Variants in SESN1 observed in about 807,000 individuals in gnomAD.
SESN1 encodes sestrin-1.
Under a neutral mutation model 59.3 loss-of-function variants are expected in SESN1, and 30 were observed. That is an observed-to-expected ratio of 0.51 (90% CI 0.38 to 0.69). The LOEUF (loss-of-function observed/expected upper bound fraction) is 0.69, where lower values mean the gene tolerates loss of function less well. SESN1 is among the 30% of genes least tolerant of loss of function. The pLI is 0.00. For synonymous variants in SESN1, 197 were observed against 219.9 expected (o/e 0.90, Z 0.92); for missense variants, 566 against 673.0 (o/e 0.84, Z 1.76).
chr6:108,990,895 T>C, intron 7 of SESN1, 60 bp from the exon 8 acceptor site: 2 of 1,386,046 alleles, frequency 1.4e-6, no homozygotes, highest in Non-Finnish European at 2.0e-6. Flanking sequence ...TCTATATCTA[T>C]AGCTCTGTAG....
intron 2 of SESN1, 52 bp downstream of exon 2, chr6:109,002,226 A>G: frequency 6.6e-7 from 1 of 1,510,552 alleles, no homozygotes. Context: ...GGGTCATGAA[A>G]GCTCTTCCTT....
In SESN1 at chr6:108,987,638, T is replaced by C. The variant is rs750030309; in HGVS notation, c.1570-8A>G. The C allele has an allele frequency of 8.1e-6, 12 of 1,473,118 alleles. No individual in the cohort carries two copies. Among genetic ancestry groups the C allele is most frequent in the Non-Finnish European group, 1.1e-5 (12 of 1,054,732 alleles). The allele number at this position is 1,473,118 out of a possible 1,614,324, so 91.3% of individuals were successfully genotyped here. ...AAGCAGATTAACATGAACCTGAATA[T>C]AAAATACAACATCATATAAGGAAGG... On this transcript the variant is annotated splice_region_variant and splice_polypyrimidine_tract_variant and intron_variant, in intron 9 of 9. Coordinates refer to ENST00000436639, the MANE Select transcript of SESN1 (RefSeq NM_014454.3).
intron 1 of SESN1, among the ~76,000 whole-genome samples, chr6:109,084,015 C>G (rs1781167753): frequency 6.6e-6 from 1 of 152,102 alleles, no homozygotes; most frequent in Admixed American, 6.6e-5. Context: ...GGTAAAGATT[C>G]TAATTACACT....
In SESN1 at chr6:108,992,831, C is replaced by G. The variant is rs201225098; in HGVS notation, c.1189G>C (p.Asp397His). ...ACATGCATCCCATGTCTAGAGAAAT[C>G]TTTATAGCCATAACTAGTATCCTCA... ...HFEDTSYGYKDFSRHGMHVPT... is the reference protein window; with the variant it reads ...HFEDTSYGYKHFSRHGMHVPT... The change falls in exon 7 of 10, where the codon GAT (aspartate) becomes CAT (histidine). Residue 397 changes from aspartate to histidine, a missense_variant. By Grantham distance (81) the Asp-to-His change is moderately conservative. Coordinates refer to ENST00000436639, the MANE Select transcript of SESN1 (RefSeq NM_014454.3). 15 of 1,613,608 alleles carry G rather than the reference C, an allele frequency of 9.3e-6. No homozygotes were observed. Among genetic ancestry groups the G allele is most frequent in the African/African-American group, 5.3e-5 (4 of 74,884 alleles).
At chr6:109,066,521 T>C (rs1411176216) in intron 1 of SESN1, among the ~76,000 whole-genome samples, 2 of 152,168 alleles carry the variant, frequency 1.3e-5, no homozygotes, top group East Asian at 3.8e-4. Flanking sequence ...CCAATTCAAG[T>C]AACCAAGATC....
chr6:109,001,234 T>TA, intron 3 of SESN1, 54 bp downstream of exon 3: 1 of 1,460,030 alleles, frequency 6.8e-7, no homozygotes, highest in Non-Finnish European at 9.5e-7. Context: ...AACTGTCTCT[T>TA]AAAGAGATTA....
At chr6:109,027,946 TA>T in intron 1 of SESN1, among the ~76,000 whole-genome samples, 1 of 152,252 alleles carries the variant, frequency 6.6e-6, no homozygotes, top group Non-Finnish European at 1.5e-5. Flanking sequence ...CTGTGTTCTT[TA>T]TATTATTTTG....
chr6:109,018,571 G>A (rs192322815), intron 1 of SESN1, among the ~76,000 whole-genome samples: 1,393 of 123,940 alleles, frequency 0.011, 14 homozygotes, highest in Non-Finnish European at 0.017. Flanking sequence ...AATGTTGAAG[G>A]AACAGATTGC....
chr6:108,999,518 G>T (rs1444429263), intron 4 of SESN1, among the ~76,000 whole-genome samples: 1 of 152,082 alleles, frequency 6.6e-6, no homozygotes, highest in Non-Finnish European at 1.5e-5. Context: ...TTAATAAATA[G>T]AACCAGAACT....
intron 1 of SESN1, among the ~76,000 whole-genome samples, chr6:109,055,242 C>G (rs1780609908): frequency 6.6e-6 from 1 of 152,298 alleles, no homozygotes; most frequent in Non-Finnish European, 1.5e-5. Context: ...TTGCATCTAA[C>G]TCCCTTCACT....
At chr6:109,004,505 C>T (rs1440316060) in intron 1 of SESN1, among the ~76,000 whole-genome samples, 2 of 150,964 alleles carry the variant, frequency 1.3e-5, no homozygotes, top group East Asian at 1.9e-4. Flanking sequence ...GGCATGATCT[C>T]GGCTCACTGC....
intron 1 of SESN1, among the ~76,000 whole-genome samples, chr6:109,007,077 C>T (rs1009737764): frequency 4.6e-5 from 7 of 152,196 alleles, no homozygotes; most frequent in Admixed American, 4.6e-4. Flanking sequence ...ATCTTTTCCC[C>T]TCAACAACCT....
chr6:108,993,799 G>A (rs567718271), intron 6 of SESN1, among the ~76,000 whole-genome samples: 2 of 151,992 alleles, frequency 1.3e-5, no homozygotes, highest in South Asian at 4.2e-4. Context: ...AACTAGTCTG[G>A]AATGCCTGGC....
intron 1 of SESN1, among the ~76,000 whole-genome samples, chr6:109,034,741 TCTTCGTCTGTCTGA>T (rs1780227724): frequency 6.6e-6 from 1 of 152,188 alleles, no homozygotes; most frequent in Admixed American, 6.5e-5. Flanking sequence ...CCCAGTAAAT[TCTTCGTCTGTCTGA>T]AATGTGGATG....
chr6:109,071,617 T>A (rs1780936034), intron 1 of SESN1, among the ~76,000 whole-genome samples: 1 of 152,150 alleles, frequency 6.6e-6, no homozygotes, highest in African/African-American at 2.4e-5. Flanking sequence ...TGTGTTTTCA[T>A]ATTCTGGAAG....
chr6:109,009,595 C>A (rs1363717972), intron 1 of SESN1: 2 of 1,049,528 alleles, frequency 1.9e-6, no homozygotes, highest in Non-Finnish European at 2.3e-6. Flanking sequence ...CCGCGCGGCC[C>A]CGCCCCGCGC....
chr6:108,992,763 T>C lies in SESN1; in HGVS notation c.1233+24A>G, dbSNP rs775699575. Reference sequence around the variant, plus strand: ...AGACTGAGATATTTCTAGTCAATCATGTGCATACAAGTTGCAATTTTACCT... The same window carrying C: ...AGACTGAGATATTTCTAGTCAATCACGTGCATACAAGTTGCAATTTTACCT... On this transcript the variant is annotated intron_variant, in intron 7 of 9. Coordinates refer to ENST00000436639, the MANE Select transcript of SESN1 (RefSeq NM_014454.3). The C allele has an allele frequency of 8.2e-5, 111 of 1,360,534 alleles. No homozygotes were observed. The South Asian group carries it at 1.2e-3, about 15-fold the overall frequency. 84.3% of individuals were successfully genotyped at this position (1,360,534 alleles called of 1,614,324 possible). A position where few individuals can be genotyped will look rare whatever the true frequency, so the allele number is the denominator to read the frequency against.
At chr6:109,079,221 T>C (rs1781080183) in intron 1 of SESN1, among the ~76,000 whole-genome samples, 1 of 148,976 alleles carries the variant, frequency 6.7e-6, no homozygotes, top group African/African-American at 2.5e-5. Flanking sequence ...ACAAAAGGGA[T>C]TGTCTGATAT....
At chr6:109,041,388 A>G (rs1439891977) in intron 1 of SESN1, among the ~76,000 whole-genome samples, 1 of 152,160 alleles carries the variant, frequency 6.6e-6, no homozygotes, top group African/African-American at 2.4e-5. Context: ...TCTCATCTCC[A>G]ACAACTCAGT....
Sources: gnomAD v4.1 joint callset for allele counts (sites outside exome capture counted in the v4.1 genomes callset) on GRCh38, gnomAD v4.1.1 for gene constraint, MANE v1.5 for transcripts, NCBI Gene and HGNC (gene_info 2026-07-23, HGNC 2026-07-21) for gene names.